Variants in SPG21 observed in about 807,000 individuals in gnomAD.
SPG21 encodes SPG21 abhydrolase domain containing, maspardin.
Under a neutral mutation model 38.9 loss-of-function variants are expected in SPG21, and 26 were observed. The ratio of observed to expected loss-of-function variants is 0.67; its 90% CI spans 0.49 to 0.93. The LOEUF (loss-of-function observed/expected upper bound fraction) is 0.93, where lower values mean the gene tolerates loss of function less well. Ranked by LOEUF, SPG21 falls within the 40% of genes least tolerant of loss-of-function variation. SPG21 has a pLI of 0.00. For synonymous variants in SPG21, 136 were observed against 128.9 expected (o/e 1.05, Z -0.37); for missense variants, 333 against 376.5 (o/e 0.88, Z 0.96).
chr15:64,975,624 G>C (rs549569739), intron 4 of SPG21, among the ~76,000 whole-genome samples: 2 of 151,702 alleles, frequency 1.3e-5, no homozygotes, highest in African/African-American at 4.8e-5. Flanking sequence ...ATACCTAAGA[G>C]AACTGAAAAC....
At chr15:64,969,170 G>A in intron 7 of SPG21, 85 bp downstream of exon 7, 1 of 993,148 alleles carries the variant, frequency 1.0e-6, no homozygotes, top group Non-Finnish European at 1.6e-6. Flanking sequence ...GAGGTACATT[G>A]AAAGTTATCA....
At chr15:64,985,791 C>A (rs115061657) in intron 1 of SPG21, among the ~76,000 whole-genome samples, 1,878 of 152,198 alleles carry the variant, frequency 0.012, 44 homozygotes, top group African/African-American at 0.042. Context: ...AACACAGAGC[C>A]CTCAGTAGAC....
At chr15:64,966,067 A>T (rs779101556) in intron 7 of SPG21, among the ~76,000 whole-genome samples, 1 of 152,178 alleles carries the variant, frequency 6.6e-6, no homozygotes, top group African/African-American at 2.4e-5. Flanking sequence ...GATTAACAGA[A>T]TATTAATAGA....
intron 1 of SPG21, chr15:64,988,667 G>T (rs922124756): frequency 2.1e-4 from 32 of 152,216 alleles, no homozygotes; most frequent in African/African-American, 6.5e-4. Flanking sequence ...AAAGCTTTTG[G>T]AATTTGGACA....
intron 6 of SPG21, 114 bp downstream of exon 6, chr15:64,970,000 C>A: frequency 1.1e-6 from 1 of 909,556 alleles, no homozygotes; most frequent in Non-Finnish European, 1.8e-6. Flanking sequence ...ATGTATTACT[C>A]TGCTTAGCAA....
Position 64,963,349 on chromosome 15 carries a change from T to G in SPG21, c.*271A>C. On this transcript the variant is annotated 3_prime_UTR_variant, in exon 9 of 9. Coordinates refer to ENST00000204566, the MANE Select transcript of SPG21 (RefSeq NM_016630.7). Reference sequence around the variant, plus strand: ...ACTTAAGAACACAGTGGTGAAGACTTTTGGTAGCAAAATTTGCACGGTTCT... The same window carrying G: ...ACTTAAGAACACAGTGGTGAAGACTGTTGGTAGCAAAATTTGCACGGTTCT... 1 of 411,968 alleles carries G rather than the reference T, an allele frequency of 2.4e-6. No homozygotes were observed. The allele number at this position is 411,968 out of a possible 1,614,324, so 25.5% of individuals were successfully genotyped here.
intron 1 of SPG21, among the ~76,000 whole-genome samples, chr15:64,984,413 C>T (rs1032302919): frequency 2.6e-5 from 4 of 152,156 alleles, no homozygotes; most frequent in Non-Finnish European, 4.4e-5. Context: ...AGTTCAATGG[C>T]ACAATCACAG....
chr15:64,965,892 GGGTTTCA>G (rs1190984446), intron 7 of SPG21, among the ~76,000 whole-genome samples: 1 of 152,036 alleles, frequency 6.6e-6, no homozygotes, highest in African/African-American at 2.4e-5. Context: ...AGTAGAGATG[GGGTTTCA>G]CCATGTTGGC....
chr15:64,983,198 C>T (rs1480134456), intron 2 of SPG21: 1 of 242,602 alleles, frequency 4.1e-6, no homozygotes, highest in Non-Finnish European at 8.8e-6. Context: ...GCAGAGGTTG[C>T]AGTGAGCCGA....
rs991653719 is a variant in SPG21 at position 64,965,413 on chromosome 15, G to A, written c.717C>T (p.Tyr239=). The change falls in exon 8 of 9, where the codon TAC becomes TAT. Residue 239 remains tyrosine (Y), a synonymous_variant. Coordinates refer to ENST00000204566, the MANE Select transcript of SPG21 (RefSeq NM_016630.7). ...ALSTEAKEEM[Y]KLYPNARRAH... ...CTCTTCGGGCATTAGGATACAGCTT[G>A]TACATTTCTTCTTTAGCTTCAGTTG... is the stretch of plus-strand genomic sequence containing the variant. 2.5e-6 allele frequency: 4 copies of A among 1,614,108 alleles called. No individual in the cohort carries two copies. Among genetic ancestry groups the A allele is most frequent in the Non-Finnish European group, 3.4e-6 (4 of 1,180,030 alleles).
Position 64,970,155 on chromosome 15 carries a change from C to G in SPG21, c.520G>C (p.Asp174His), listed in dbSNP as rs2085633203. 5.0e-6 allele frequency: 8 copies of G among 1,614,152 alleles called. No homozygotes were observed. The highest frequency in any genetic ancestry group is 1.6e-4 in the Middle Eastern group (1 of 6,062). The change falls in exon 6 of 9, where the codon GAC becomes CAC. Residue 174 changes from aspartate (D) to histidine (H), a missense_variant. By Grantham distance (81) the Asp-to-His change is moderately conservative. Coordinates refer to ENST00000204566, the MANE Select transcript of SPG21 (RefSeq NM_016630.7). Reference protein sequence around the residue: ...VLGNFSSGPVDPMMADAIDFM... With the variant: ...VLGNFSSGPVHPMMADAIDFM... ...TCAATGGCATCAGCCATCATAGGGT[C>G]CACCGGGCCAGATGAAAAATTTCCA...
intron 1 of SPG21, among the ~76,000 whole-genome samples, chr15:64,984,832 C>T (rs2140451283): frequency 6.6e-6 from 1 of 151,734 alleles, no homozygotes; most frequent in South Asian, 2.1e-4. Flanking sequence ...TCACTGCAAC[C>T]TCCACCCTCC....
At chr15:64,966,984 GA>G (rs888227968) in intron 7 of SPG21, among the ~76,000 whole-genome samples, 10 of 152,066 alleles carry the variant, frequency 6.6e-5, no homozygotes, top group African/African-American at 1.4e-4. Flanking sequence ...ATAATCATAT[GA>G]TTTTTTTTTA....
At chr15:64,983,139 T>TCCTAGCTA (rs897172325) in intron 2 of SPG21, 4 of 284,452 alleles carry the variant, frequency 1.4e-5, no homozygotes, top group Non-Finnish European at 2.2e-5. Context: ...ATGCCTGTAA[T>TCCTAGCTA]CCTAGCTACT....
intron 5 of SPG21, among the ~76,000 whole-genome samples, chr15:64,971,210 A>G (rs534794133): frequency 3.3e-5 from 5 of 151,974 alleles, no homozygotes; most frequent in Non-Finnish European, 2.9e-5. Context: ...GGCTCGTACC[A>G]CCAGGCCTGA....
In SPG21 at chr15:64,963,199, T is replaced by C. The variant is rs1326488143; in HGVS notation, c.*421A>G. 1 of 171,876 alleles carries C rather than the reference T, an allele frequency of 5.8e-6. No homozygotes were observed. The highest frequency in any genetic ancestry group is 5.8e-5 in the Admixed American group (1 of 17,296). The allele number at this position is 171,876 out of a possible 1,614,324, so 10.6% of individuals were successfully genotyped here. ...ATCCAAGAAAGCATAAAATAACCAA[T>C]GTCCTGATATGCAATCTGGATGTGC... On this transcript the variant is annotated 3_prime_UTR_variant, in exon 9 of 9. Transcript: ENST00000204566.
rs747201594 is a variant in SPG21 at position 64,983,217 on chromosome 15, A to G, written c.63+290T>C. 1.4e-4 allele frequency: 30 copies of G among 209,690 alleles called. No individual in the cohort carries two copies. In the South Asian group the frequency reaches 1.8e-3, roughly 13 times the overall value. 13.0% of individuals were successfully genotyped at this position (209,690 alleles called of 1,614,324 possible). ...AGGTTGCAGTGAGCCGAGATCATGC[A>G]GTGCACTGCACTCCAGCCTGGACGG... On this transcript the variant is annotated intron_variant, in intron 2 of 8. Coordinates refer to ENST00000204566, the MANE Select transcript of SPG21 (RefSeq NM_016630.7).
chr15:64,970,062 A>T, intron 6 of SPG21, 52 bp downstream of exon 6: 1 of 1,372,110 alleles, frequency 7.3e-7, no homozygotes, highest in Middle Eastern at 1.8e-4. Flanking sequence ...AACCAAGTAG[A>T]TGTGAAAATT....
At position 64,963,256 on chromosome 15, in the gene SPG21, AAAG is replaced by A; in HGVS notation, c.*361_*363del. On this transcript the variant is annotated 3_prime_UTR_variant, in exon 9 of 9. Coordinates refer to ENST00000204566, the MANE Select transcript of SPG21 (RefSeq NM_016630.7). ...TACAGCAAACAACATAAAAAGAAAG[AAAG>A]AAGAATGGAAAAGAAAAGAAGAAAA... 1 of 211,462 alleles carries A rather than the reference AAAG, an allele frequency of 4.7e-6. No individual in the cohort carries two copies. The highest frequency in any genetic ancestry group is 9.6e-6 in the Non-Finnish European group (1 of 104,276). 13.1% of individuals were successfully genotyped at this position (211,462 alleles called of 1,614,324 possible).
Sources: gnomAD v4.1 joint callset for allele counts (sites outside exome capture counted in the v4.1 genomes callset) on GRCh38, gnomAD v4.1.1 for gene constraint, MANE v1.5 for transcripts, NCBI Gene and HGNC (gene_info 2026-07-23, HGNC 2026-07-21) for gene names.